The following KAZN variants were observed in gnomAD, a reference collection of about 807,000 sequenced individuals.
KAZN encodes kazrin, periplakin interacting protein, also known as kazrin.
In KAZN, 40 loss-of-function variants were observed where a neutral mutation model predicts 87.4. That is an observed-to-expected ratio of 0.46 (90% CI 0.36 to 0.60). The LOEUF (loss-of-function observed/expected upper bound fraction) is 0.60, where lower values mean the gene tolerates loss of function less well. Among genes scored for constraint, KAZN ranks in the 20% least tolerant of loss-of-function variants. The pLI, the probability that KAZN is intolerant of heterozygous loss-of-function variation, is 0.00. For synonymous variants in KAZN, 466 were observed against 458.3 expected (o/e 1.02, Z -0.22); for missense variants, 898 against 1,073.9 (o/e 0.84, Z 2.29).
rs567852618 is a variant in KAZN at position 15,071,412 on chromosome 1, C to T, written c.1222+5659C>T. 1.1e-3 allele frequency among the ~76,000 whole-genome samples: 163 copies of T among 152,122 alleles called. 2 individuals carry two copies. The highest frequency in any genetic ancestry group is 3.9e-3 in the African/African-American group (160 of 41,518). ...GACTACAAGCATGCATCACCACACC[C>T]GGCTACTTTTTGTGTTGTTTTTAGT... is the stretch of plus-strand genomic sequence containing the variant. On this transcript the variant is annotated intron_variant, in intron 8 of 14. Coordinates refer to ENST00000376030, the MANE Select transcript of KAZN (RefSeq NM_201628.3).
intron 1 of KAZN, among the ~76,000 whole-genome samples, chr1:14,761,921 A>G (rs1644751296): frequency 6.6e-6 from 1 of 151,708 alleles, no homozygotes; most frequent in African/African-American, 2.4e-5. Context: ...CTCAGCTTCA[A>G]AAAGGAAGCA....
intron 2 of KAZN, among the ~76,000 whole-genome samples, chr1:14,259,956 A>G (rs951988827): frequency 6.6e-6 from 1 of 152,168 alleles, no homozygotes. Context: ...TTAAAGCACA[A>G]CGCAAGCGGA....
chr1:14,734,998 G>T (rs1400374591), intron 1 of KAZN, among the ~76,000 whole-genome samples: 1 of 152,230 alleles, frequency 6.6e-6, no homozygotes, highest in Non-Finnish European at 1.5e-5. Flanking sequence ...CAGTAGGTGT[G>T]CCTTGTACGA....
intron 1 of KAZN, among the ~76,000 whole-genome samples, chr1:14,822,951 G>T (rs1646778425): frequency 6.6e-6 from 1 of 152,198 alleles, no homozygotes; most frequent in Non-Finnish European, 1.5e-5. Flanking sequence ...GGTGCCGAGT[G>T]GATCACTGGC....
intron 1 of KAZN, among the ~76,000 whole-genome samples, chr1:13,903,500 G>C (rs1446768570): frequency 2.0e-5 from 3 of 152,234 alleles, no homozygotes; most frequent in Non-Finnish European, 2.9e-5. Context: ...GGGAAGGAGA[G>C]CCAGTGGGGG....
intron 1 of KAZN, among the ~76,000 whole-genome samples, chr1:14,899,635 C>T (rs1333220384): frequency 6.6e-6 from 1 of 152,152 alleles, no homozygotes; most frequent in African/African-American, 2.4e-5. Context: ...TAGCCAAGAT[C>T]ATGAGGCCCG....
intron 1 of KAZN, among the ~76,000 whole-genome samples, chr1:14,099,213 T>C (rs1265083567): frequency 6.6e-6 from 1 of 152,134 alleles, no homozygotes. Context: ...AGGATGGCAC[T>C]CAATCATTAG....
intron 1 of KAZN, among the ~76,000 whole-genome samples, chr1:14,171,731 A>G (rs1362035866): frequency 6.6e-6 from 1 of 152,052 alleles, no homozygotes; most frequent in Non-Finnish European, 1.5e-5. Context: ...CCATGATATG[A>G]CTCATCTGGT....
chr1:14,816,603 A>G (rs969718805), intron 1 of KAZN, among the ~76,000 whole-genome samples: 4 of 152,238 alleles, frequency 2.6e-5, no homozygotes, highest in Non-Finnish European at 4.4e-5. Flanking sequence ...GATGATAGAA[A>G]GGTAAATAGA....
chr1:14,026,954 A>T (rs1400361773), intron 1 of KAZN, among the ~76,000 whole-genome samples: 2 of 152,034 alleles, frequency 1.3e-5, no homozygotes, highest in African/African-American at 4.8e-5. Context: ...GAGGAGAGAC[A>T]GGTGAAGAGA....
intron 2 of KAZN, among the ~76,000 whole-genome samples, chr1:14,243,514 T>G (rs997894274): frequency 6.6e-6 from 1 of 152,220 alleles, no homozygotes; most frequent in African/African-American, 2.4e-5. Flanking sequence ...ATAGCTCCTC[T>G]CTTCCTTCAC....
chr1:14,861,712 A>G (rs1198227753), intron 1 of KAZN, among the ~76,000 whole-genome samples: 1 of 152,142 alleles, frequency 6.6e-6, no homozygotes, highest in African/African-American at 2.4e-5. Context: ...TGATTGATGC[A>G]AGGTAGGCAC....
At chr1:14,755,322 C>T (rs1226831091) in intron 1 of KAZN, among the ~76,000 whole-genome samples, 4 of 152,156 alleles carry the variant, frequency 2.6e-5, no homozygotes, top group African/African-American at 9.7e-5. Context: ...TTCCCTTTCA[C>T]CTGTCTCCCT....
chr1:15,005,352 G>A (rs1266350444), intron 2 of KAZN, among the ~76,000 whole-genome samples: 6 of 152,166 alleles, frequency 3.9e-5, no homozygotes, highest in Admixed American at 2.0e-4. Flanking sequence ...GCCATCTGTC[G>A]ATGCTGTGTG....
chr1:14,638,655 G>A (rs1195845161), intron 1 of KAZN, among the ~76,000 whole-genome samples: 2 of 152,024 alleles, frequency 1.3e-5, no homozygotes, highest in Non-Finnish European at 2.9e-5. Context: ...GGAAATGACC[G>A]TGTATGTTTG....
chr1:14,528,033 A>G (rs924612389), intron 2 of KAZN, among the ~76,000 whole-genome samples: 15 of 151,520 alleles, frequency 9.9e-5, no homozygotes, highest in Admixed American at 4.6e-4. Context: ...CTATCTATCT[A>G]TCTATCTATC....
rs567486919 is a variant in KAZN at position 14,027,751 on chromosome 1, T to C, written c.91+133995T>C. 5.3e-5 allele frequency among the ~76,000 whole-genome samples: 8 copies of C among 152,308 alleles called. No homozygotes were observed. In the South Asian group the frequency reaches 1.7e-3, roughly 32 times the overall value. ...GGACAAGCAGTGGCTGCCAATACAA[T>C]GACTTGTGTTTAATGTTTCCCTTTT... On this transcript the variant is annotated intron_variant, in intron 1 of 16. Coordinates refer to the KAZN transcript ENST00000636203.
chr1:14,489,709 G>A (rs951913598), intron 2 of KAZN, among the ~76,000 whole-genome samples: 9 of 149,236 alleles, frequency 6.0e-5, no homozygotes, highest in Non-Finnish European at 1.3e-4. Context: ...ACTCCAGCCT[G>A]TGTGACAGAG....
At chr1:14,633,704 G>C (rs1013100696) in intron 1 of KAZN, among the ~76,000 whole-genome samples, 1 of 152,042 alleles carries the variant, frequency 6.6e-6, no homozygotes, top group Non-Finnish European at 1.5e-5. Context: ...CACAGTCCTC[G>C]ACTCTCAGAC....
Sources: allele counts gnomAD v4.1 joint callset (sites outside exome capture counted in the v4.1 genomes callset), GRCh38; gene constraint gnomAD v4.1.1; transcripts MANE v1.5; gene names NCBI Gene and HGNC (gene_info 2026-07-23, HGNC 2026-07-21).